Variants in CADPS observed in about 807,000 individuals in gnomAD.
The protein encoded by CADPS is calcium dependent secretion activator, also known as calcium-dependent secretion activator 1.
In CADPS, 57 loss-of-function variants were observed where a neutral mutation model predicts 167.3. The observed-to-expected ratio is 0.34, with a 90% CI of 0.28 to 0.42. The LOEUF (loss-of-function observed/expected upper bound fraction) is 0.42. Ranked by LOEUF, CADPS falls within the 20% of genes least tolerant of loss-of-function variation. The pLI is 1.00. For synonymous variants in CADPS, 676 were observed against 635.3 expected (o/e 1.06, Z -0.96); for missense variants, 1,414 against 1,738.1 (o/e 0.81, Z 3.32).
intron 25 of CADPS, 138 bp downstream of exon 25, chr3:62,466,201 G>T: frequency 3.2e-6 from 2 of 623,124 alleles, no homozygotes. Flanking sequence ...TAGAGCTGAG[G>T]CTGGGTGATG....
In CADPS at chr3:62,514,746, C is replaced by T. The variant is rs1262010163; in HGVS notation, c.2581+1313G>A. ...GCAACAGAACGTTTCTTGATCCCAT[C>T]CCATCTCTGGACTTGCCTAGAATTG... On this transcript the variant is annotated intron_variant, in intron 16 of 29. Transcript: ENST00000383710. The surrounding 1 kb of genome is among the most constrained non-coding windows in gnomAD (Gnocchi z 4.2). Among the ~76,000 whole-genome samples the T allele has an allele frequency of 6.6e-6, 1 of 152,142 alleles. No individual in the cohort carries two copies. Among genetic ancestry groups the T allele is most frequent in the African/African-American group, 2.4e-5 (1 of 41,442 alleles).
intron 5 of CADPS, among the ~76,000 whole-genome samples, 166 bp from the exon 6 acceptor site, chr3:62,646,009 A>T (rs988497758): frequency 1.1e-4 from 16 of 152,200 alleles, no homozygotes; most frequent in African/African-American, 3.6e-4. Context: ...CGAAGATGCA[A>T]TTCCTCATAG....
At chr3:62,552,986 A>G (rs2077552073) in intron 10 of CADPS, among the ~76,000 whole-genome samples, 1 of 152,332 alleles carries the variant, frequency 6.6e-6, no homozygotes, top group African/African-American at 2.4e-5. Flanking sequence ...AAGGGGAAGG[A>G]GGAGGAAGAA....
chr3:62,664,895 T>C (rs781308091), intron 3 of CADPS, among the ~76,000 whole-genome samples: 6 of 152,196 alleles, frequency 3.9e-5, no homozygotes, highest in Non-Finnish European at 7.3e-5. Flanking sequence ...AAGGTCTACA[T>C]TAAGCTTAAT....
chr3:62,735,595 C>A (rs897744566), intron 3 of CADPS, among the ~76,000 whole-genome samples: 4 of 152,170 alleles, frequency 2.6e-5, no homozygotes, highest in Non-Finnish European at 5.9e-5. Flanking sequence ...AATCCCTCAA[C>A]CCCTACAAGA....
At chr3:62,557,832 T>C (rs761649209) in intron 9 of CADPS, among the ~76,000 whole-genome samples, 1 of 152,210 alleles carries the variant, frequency 6.6e-6, no homozygotes, top group Non-Finnish European at 1.5e-5. Context: ...ATTATCATTA[T>C]TGCTTTTAAT....
At chr3:62,565,478 C>T (rs897960161) in intron 9 of CADPS, among the ~76,000 whole-genome samples, 7 of 152,170 alleles carry the variant, frequency 4.6e-5, no homozygotes, top group Non-Finnish European at 8.8e-5. Context: ...GCATCAGTAT[C>T]TCCTGGGGTG....
chr3:62,854,217 A>C (rs771046945), intron 1 of CADPS, among the ~76,000 whole-genome samples: 2 of 152,184 alleles, frequency 1.3e-5, no homozygotes, highest in Non-Finnish European at 2.9e-5. Flanking sequence ...AAATTAAGAG[A>C]GAATTTGTGT....
intron 1 of CADPS, among the ~76,000 whole-genome samples, chr3:62,769,414 T>C (rs1576145058): frequency 6.6e-6 from 1 of 152,042 alleles, no homozygotes; most frequent in East Asian, 1.9e-4. Context: ...GTATTTTTAG[T>C]AGAGATGAGG....
At chr3:62,727,930 T>C (rs2077043835) in intron 3 of CADPS, among the ~76,000 whole-genome samples, 1 of 151,902 alleles carries the variant, frequency 6.6e-6, no homozygotes, top group Non-Finnish European at 1.5e-5. Flanking sequence ...TTTTAAGAAA[T>C]GACACAAACT....
rs2051261710 is a variant in CADPS at position 62,421,046 on chromosome 3, T to C, written c.3777+17058A>G. Among the ~76,000 whole-genome samples, 1 of 152,138 alleles carries C rather than the reference T, an allele frequency of 6.6e-6. No individual in the cohort carries two copies. On this transcript the variant is annotated intron_variant, in intron 28 of 29. Coordinates refer to ENST00000383710, the MANE Select transcript of CADPS (RefSeq NM_003716.4). The surrounding 1 kb of genome is among the most constrained non-coding windows in gnomAD (Gnocchi z 4.7). ...CAACATGCTGGGTGCCCTCGACAGC[T>C]ACAGATGGTTTGGGATCCACCAGCC...
rs1029858319 is a variant in CADPS, at chr3:62,601,053, T to A, written c.1326-8305A>T. Among the ~76,000 whole-genome samples, 2 of 152,130 alleles carry A rather than the reference T, an allele frequency of 1.3e-5. No individual in the cohort carries two copies. The highest frequency in any genetic ancestry group is 4.8e-5 in the African/African-American group (2 of 41,424). On this transcript the variant is annotated intron_variant, in intron 6 of 29. Transcript: ENST00000383710. The surrounding 1 kb of genome is among the most constrained non-coding windows in gnomAD (Gnocchi z 4.3). ...GGTGTTTACCTCAATACGTGGCACA[T>A]AGAAAGCACTAAAAAATGTAAGTCT...
At chr3:62,867,934 T>G (rs2082003602) in intron 1 of CADPS, among the ~76,000 whole-genome samples, 1 of 152,078 alleles carries the variant, frequency 6.6e-6, no homozygotes, top group Non-Finnish European at 1.5e-5. Context: ...CAGAGCGAGA[T>G]AAGGGTACAG....
chr3:62,598,724 ATGGCAGT>A (rs2059268185), intron 6 of CADPS, among the ~76,000 whole-genome samples: 1 of 152,210 alleles, frequency 6.6e-6, no homozygotes, highest in African/African-American at 2.4e-5. Flanking sequence ...CAAGGAGTAA[ATGGCAGT>A]TAGTGACCTC....
At chr3:62,501,604 C>T (rs2065779694) in intron 17 of CADPS, among the ~76,000 whole-genome samples, 1 of 152,184 alleles carries the variant, frequency 6.6e-6, no homozygotes. Flanking sequence ...CCACTTGGGG[C>T]ACATCTTTGA....
At chr3:62,583,898 C>A (rs1458735256) in intron 8 of CADPS, among the ~76,000 whole-genome samples, 1 of 152,104 alleles carries the variant, frequency 6.6e-6, no homozygotes, top group Non-Finnish European at 1.5e-5. Context: ...CTGGTCACGC[C>A]CTCCTGGACT....
chr3:62,556,464 A>G (rs1023412562), intron 10 of CADPS, among the ~76,000 whole-genome samples: 14 of 152,034 alleles, frequency 9.2e-5, no homozygotes, highest in African/African-American at 3.4e-4. Context: ...TTTTATGTGT[A>G]TTTTGTTGCA....
intron 6 of CADPS, among the ~76,000 whole-genome samples, chr3:62,637,892 A>C (rs1202159122): frequency 1.3e-5 from 2 of 152,080 alleles, no homozygotes; most frequent in Non-Finnish European, 2.9e-5. Flanking sequence ...AAATAAAATG[A>C]TGACTGTGAA....
chr3:62,843,970 C>G (rs1353277407), intron 1 of CADPS, among the ~76,000 whole-genome samples: 1 of 152,292 alleles, frequency 6.6e-6, no homozygotes, highest in East Asian at 1.9e-4. Flanking sequence ...TGTAGGTATC[C>G]TTACCCCAAA....
Sources: gnomAD v4.1 joint callset for allele counts (sites outside exome capture counted in the v4.1 genomes callset) on GRCh38, gnomAD v4.1.1 for gene constraint, Gnocchi (gnomAD v3.1) non-coding constraint, MANE v1.5 for transcripts, NCBI Gene and HGNC (gene_info 2026-07-23, HGNC 2026-07-21) for gene names.